Variants in RNF213 observed in about 807,000 individuals in gnomAD.
RNF213 encodes the protein E3 ubiquitin-protein ligase RNF213.
Under a neutral mutation model 514.4 loss-of-function variants are expected in RNF213, and 341 were observed. The ratio of observed to expected loss-of-function variants is 0.66; its 90% CI spans 0.61 to 0.73. The LOEUF (loss-of-function observed/expected upper bound fraction) is 0.73. RNF213 is among the 30% of genes least tolerant of loss of function. The pLI is 0.00. For synonymous variants in RNF213, 2,655 were observed against 2,658.2 expected (o/e 1.00, Z 0.04); for missense variants, 5,767 against 6,615.6 (o/e 0.87, Z 4.45).
chr17:80,307,025 G>A, intron 12 of RNF213, 103 bp from the exon 13 acceptor site: 1 of 1,090,784 alleles, frequency 9.2e-7, no homozygotes, highest in Non-Finnish European at 1.4e-6. Flanking sequence ...AGAAAACAAT[G>A]TATACCATAT....
At chr17:80,327,722 G>A (rs942938353) in intron 18 of RNF213, 94 bp from the exon 19 acceptor site, 5 of 1,079,808 alleles carry the variant, frequency 4.6e-6, no homozygotes, top group Non-Finnish European at 6.5e-6. Context: ...GGAAGTGGGG[G>A]CAGAACAAGA....
At chr17:80,302,975 A>T (rs77997074) in intron 11 of RNF213, among the ~76,000 whole-genome samples, 1,560 of 152,296 alleles carry the variant, frequency 0.01, 26 homozygotes, top group African/African-American at 0.034. Flanking sequence ...AGCAAAATAG[A>T]TTAATTTATT....
rs1568137860 is a variant in RNF213, at chr17:80,364,476, C to T, written c.11794C>T (p.His3932Tyr). ...RIFSTALFVEHVLLGTESRVP... is the reference protein window; with the variant it reads ...RIFSTALFVEYVLLGTESRVP... ...TTTCTCCACCGCACTCTTCGTGGAG[C>T]ACGTGCTCCTAGGAACCGAGAGCCG... Residue 3932 changes from histidine to tyrosine, a missense_variant, in exon 42 of 68, where the codon CAC (histidine) becomes TAC (tyrosine). His to Tyr is a moderately conservative substitution (Grantham distance 83, BLOSUM62 2). Around this residue, in one of 13 missense-constraint regions of RNF213, gnomAD observed 355 missense variants for 358.0 expected, o/e 0.99. Coordinates refer to ENST00000582970, the MANE Select transcript of RNF213 (RefSeq NM_001256071.3). The T allele has an allele frequency of 6.2e-7, 1 of 1,614,138 alleles. No homozygotes were observed. Among genetic ancestry groups the T allele is most frequent in the Non-Finnish European group, 8.5e-7 (1 of 1,179,994 alleles).
At chr17:80,389,134 C>T (rs369930276) in intron 64 of RNF213, 39 bp from the exon 65 acceptor site, 6 of 1,599,088 alleles carry the variant, frequency 3.8e-6, no homozygotes, top group East Asian at 2.2e-5. Context: ...GCCAGAAACC[C>T]AGCCCACAGA....
In RNF213 at chr17:80,353,794, CT is replaced by C; in HGVS notation, c.10578+131del. On this transcript the variant is annotated intron_variant, in intron 34 of 67. Transcript: ENST00000582970. The surrounding 1 kb of genome is among the most constrained non-coding windows in gnomAD (Gnocchi z 5.0). Reference sequence around the variant, plus strand: ...GTGCAGGGGTGAGGATGGCGCCCCACTTTCCTCACACAGTGACGGTCTTGTT... The same window carrying C: ...GTGCAGGGGTGAGGATGGCGCCCCACTTCCTCACACAGTGACGGTCTTGTT... 7.5e-7 allele frequency: 1 copy of C among 1,337,062 alleles called. No homozygotes were observed. The highest frequency in any genetic ancestry group is 1.1e-6 in the Non-Finnish European group (1 of 938,378). The allele number at this position is 1,337,062 out of a possible 1,614,324, so 82.8% of individuals were successfully genotyped here. A position where few individuals can be genotyped will look rare whatever the true frequency, so the allele number is the denominator to read the frequency against.
chr17:80,355,654 A>C (rs77869167), intron 36 of RNF213, among the ~76,000 whole-genome samples: 7 of 32,910 alleles, frequency 2.1e-4, no homozygotes, highest in East Asian at 7.2e-4. Flanking sequence ...AGCGGGGTGG[A>C]CGGGAATGGG....
intron 44 of RNF213, among the ~76,000 whole-genome samples, chr17:80,368,537 A>G (rs768584122): frequency 2.6e-5 from 4 of 151,758 alleles, no homozygotes; most frequent in African/African-American, 7.3e-5. Flanking sequence ...GGTTCAGGCA[A>G]TTCTCCTGCC....
rs1326829438 is a variant in RNF213 at position 80,264,280 on chromosome 17, G to C, written c.97+502G>C. On this transcript the variant is annotated intron_variant, in intron 2 of 67. Coordinates refer to ENST00000582970, the MANE Select transcript of RNF213 (RefSeq NM_001256071.3). The surrounding 1 kb of genome is among the most constrained non-coding windows in gnomAD (Gnocchi z 5.0). The stretch of plus-strand genomic sequence containing the variant: ...GGGAAGCAGAGTTTGAGGCTCTGCA[G>C]GGGTTGAGAGCTCTGCCTGGGTTAG... Among the ~76,000 whole-genome samples, 1 of 152,190 alleles carries C rather than the reference G, an allele frequency of 6.6e-6. No homozygotes were observed. The highest frequency in any genetic ancestry group is 1.5e-5 in the Non-Finnish European group (1 of 68,026).
intron 42 of RNF213, among the ~76,000 whole-genome samples, chr17:80,367,285 GA>G (rs1193548242): frequency 6.6e-6 from 1 of 152,222 alleles, no homozygotes; most frequent in Non-Finnish European, 1.5e-5. Flanking sequence ...GGAGGGATGT[GA>G]AGTTGTAACT....
intron 41 of RNF213, 146 bp downstream of exon 41, chr17:80,363,936 C>G (rs117337485): frequency 3.6e-6 from 3 of 835,556 alleles, no homozygotes; most frequent in East Asian, 2.7e-5. Context: ...CCGCATTTGC[C>G]GAACCCTTAG....
In RNF213 at chr17:80,309,188, C is replaced by G; in HGVS notation, c.2655+17C>G. 1.2e-6 allele frequency: 2 copies of G among 1,614,122 alleles called. No homozygotes were observed. The highest frequency in any genetic ancestry group is 8.5e-7 in the Non-Finnish European group (1 of 1,179,972). On this transcript the variant is annotated intron_variant, in intron 14 of 67. Transcript: ENST00000582970. ...TCTCTGGTGGTAAGTGGAGTCAACA[C>G]ACAAGGTATCACACCCGGGATAGGT...
At position 80,316,679 on chromosome 17, in the gene RNF213, C is replaced by T. The variant is rs911478241; in HGVS notation, c.2812-509C>T. 3 of 232,964 alleles carry T rather than the reference C, an allele frequency of 1.3e-5. No homozygotes were observed. In the Admixed American group the frequency reaches 1.5e-4, roughly 12 times the overall value. 14.4% of individuals were successfully genotyped at this position (232,964 alleles called of 1,614,324 possible). A position where few individuals can be genotyped will look rare whatever the true frequency, so the allele number is the denominator to read the frequency against. On this transcript the variant is annotated intron_variant, in intron 15 of 67. Transcript: ENST00000582970. The stretch of plus-strand genomic sequence containing the variant: ...GGGAAGGGCTAGGGTCTTAGGAGAC[C>T]CTGCCCAGGTATGTAGTGGCAAGGT...
In RNF213 at chr17:80,389,217, G is replaced by A. The variant is rs759583595; in HGVS notation, c.15045G>A (p.Leu5015=). The A allele has an allele frequency of 1.6e-5, 26 of 1,614,068 alleles. No individual in the cohort carries two copies. The highest frequency in any genetic ancestry group is 2.1e-5 in the Non-Finnish European group (25 of 1,180,006). Reference sequence around the variant, plus strand: ...TCATTAGTGCCATCAGTGGACAGCTGCAGTCCTACAGCGATGCCTGTGAAG... The same window carrying A: ...TCATTAGTGCCATCAGTGGACAGCTACAGTCCTACAGCGATGCCTGTGAAG... ...SSVISAISGQ[L]QSYSDACEVL... is the part of the protein sequence containing the mutation. The change falls in exon 65 of 68, where the codon CTG becomes CTA. Residue 5015 remains leucine (L), a synonymous_variant. Coordinates refer to ENST00000582970, the MANE Select transcript of RNF213 (RefSeq NM_001256071.3).
At chr17:80,272,671 G>C (rs1418639857) in intron 2 of RNF213, among the ~76,000 whole-genome samples, 2 of 152,210 alleles carry the variant, frequency 1.3e-5, no homozygotes, top group African/African-American at 4.8e-5. Context: ...GATGGACAAA[G>C]TGCGTCCACA....
At position 80,386,878 on chromosome 17, in the gene RNF213, G is replaced by C. The variant is rs774525173; in HGVS notation, c.14909G>C (p.Arg4970Pro). 2.5e-6 allele frequency: 4 copies of C among 1,612,430 alleles called. No homozygotes were observed. Among genetic ancestry groups the C allele is most frequent in the Non-Finnish European group, 3.4e-6 (4 of 1,179,620 alleles). ...AGCCGCTTCCTCCAGGGCAAGCCCC[G>C]GCTGAGCCTCAAGGTAGGGCTGACT... ...IVSRFLQGKPRLSLKGIPTLV... is the reference protein window; with the variant it reads ...IVSRFLQGKPPLSLKGIPTLV... Residue 4970 changes from arginine (R) to proline (P), a missense_variant, in exon 63 of 68, where the codon CGG (arginine) becomes CCG (proline). By Grantham distance (103) the Arg-to-Pro change is moderately radical (BLOSUM62 -2). Around this residue, in one of 13 missense-constraint regions of RNF213, gnomAD observed 1,245 missense variants for 1,339.0 expected, o/e 0.93. Transcript: ENST00000582970.
intron 11 of RNF213, among the ~76,000 whole-genome samples, chr17:80,299,921 C>T (rs1017758969): frequency 2.5e-4 from 38 of 152,188 alleles, no homozygotes; most frequent in Admixed American, 2.4e-3. Context: ...GCATAGTATT[C>T]CATGGTGTGT....
intron 36 of RNF213, among the ~76,000 whole-genome samples, chr17:80,357,600 G>A (rs754084210): frequency 1.3e-5 from 2 of 152,034 alleles, no homozygotes; most frequent in African/African-American, 2.4e-5. Context: ...CAAATGAATC[G>A]TCATAATTTT....
chr17:80,304,083 G>A (rs949873220), intron 11 of RNF213, among the ~76,000 whole-genome samples: 9 of 151,822 alleles, frequency 5.9e-5, no homozygotes, highest in Admixed American at 3.9e-4. Flanking sequence ...CTATTTTTAT[G>A]TACTTATCTT....
At position 80,386,481 on chromosome 17, in the gene RNF213, A is replaced by G. The variant is rs138164707; in HGVS notation, c.14720+51A>G. 5,233 of 1,593,262 alleles carry G rather than the reference A, an allele frequency of 3.3e-3. 29 individuals are homozygous for G. The highest frequency in any genetic ancestry group is 0.011 in the Middle Eastern group (63 of 5,780). The stretch of plus-strand genomic sequence containing the variant: ...GGTGCCTGCTCAGCCCAGAGTCCCT[A>G]AGCCCAGTGGGGCAGACACAAGCAA... On this transcript the variant is annotated intron_variant, in intron 62 of 67. Coordinates refer to ENST00000582970, the MANE Select transcript of RNF213 (RefSeq NM_001256071.3).
Sources: allele counts gnomAD v4.1 joint callset (sites outside exome capture counted in the v4.1 genomes callset), GRCh38; gene constraint gnomAD v4.1.1; regional missense constraint gnomAD v4.1.1; non-coding constraint Gnocchi (gnomAD v3.1); transcripts MANE v1.5; gene names NCBI Gene and HGNC (gene_info 2026-07-23, HGNC 2026-07-21).